HERC3: variants seen among roughly 807,000 people sequenced by gnomAD.
HERC3 encodes the protein probable E3 ubiquitin-protein ligase HERC3.
HERC3 carries 58 observed loss-of-function variants against 129.9 expected under a neutral mutation model. The observed-to-expected ratio is 0.45, with a 90% CI of 0.36 to 0.56. The LOEUF is 0.56. HERC3 is among the 20% of genes least tolerant of loss of function. HERC3 has a pLI of 0.00. For synonymous variants in HERC3, 430 were observed against 451.0 expected (o/e 0.95, Z 0.59); for missense variants, 835 against 1,244.2 (o/e 0.67, Z 4.95).
In HERC3 at chr4:88,706,928, C is replaced by T; in HGVS notation, c.3121C>T (p.Leu1041Phe). The T allele has an allele frequency of 6.2e-7, 1 of 1,614,202 alleles. No individual in the cohort carries two copies. Among genetic ancestry groups the T allele is most frequent in the Non-Finnish European group, 8.5e-7 (1 of 1,180,026 alleles). ...TCTGAGTGCCCGGCTGACCCAGGCC[C>T]TTGACAACTATGAAGGGTTTAGTTT... is the stretch of plus-strand genomic sequence containing the variant. ...EILSARLTQALDNYEGFSLA is the reference protein window; with the variant it reads ...EILSARLTQAFDNYEGFSLA The change falls in exon 26 of 26, where the codon CTT (leucine) becomes TTT (phenylalanine). Residue 1041 changes from leucine to phenylalanine, a missense_variant. By Grantham distance (22) the Leu-to-Phe change is conservative (BLOSUM62 0). Transcript: ENST00000402738.
At chr4:88,644,816 A>C (rs1052450390) in intron 3 of HERC3, among the ~76,000 whole-genome samples, 1 of 152,218 alleles carries the variant, frequency 6.6e-6, no homozygotes, top group South Asian at 2.1e-4. Context: ...TTGGCTCAGA[A>C]ACAAGATAGA....
chr4:88,585,599 A>G, the HERC3 span, among the ~76,000 whole-genome samples: 1 of 151,700 alleles, frequency 6.6e-6, no homozygotes, highest in East Asian at 1.9e-4. Context: ...TAAAGATGAA[A>G]ATGATGAACA....
At chr4:88,577,030 A>C in the HERC3 span, among the ~76,000 whole-genome samples, 1 of 152,048 alleles carries the variant, frequency 6.6e-6, no homozygotes, top group Non-Finnish European at 1.5e-5. Flanking sequence ...CTCTCCTCTA[A>C]GGAGGAGGAG....
chr4:88,545,483 A>G, the HERC3 span, among the ~76,000 whole-genome samples: 1 of 145,914 alleles, frequency 6.9e-6, no homozygotes, highest in African/African-American at 2.6e-5. Context: ...CCCACGCCAA[A>G]GTGCAGTGGC....
chr4:88,591,978 AGCGCC>A (rs1370062648), upstream of HERC3, among the ~76,000 whole-genome samples: 4 of 151,828 alleles, frequency 2.6e-5, no homozygotes, highest in Non-Finnish European at 5.9e-5. Context: ...CCCACCGCGC[AGCGCC>A]GCGGGCCGGC....
chr4:88,589,363 AG>A (rs1250980447), upstream of HERC3, among the ~76,000 whole-genome samples: 1 of 152,204 alleles, frequency 6.6e-6, no homozygotes, highest in Non-Finnish European at 1.5e-5. Flanking sequence ...CTGGGATTAC[AG>A]GGGCATGAGC....
chr4:88,701,892 T>C (rs1735353774), intron 23 of HERC3, among the ~76,000 whole-genome samples: 1 of 151,282 alleles, frequency 6.6e-6, no homozygotes, highest in African/African-American at 2.4e-5. Flanking sequence ...AGCCTTGACC[T>C]CCTGGGCTCA....
upstream of HERC3, among the ~76,000 whole-genome samples, chr4:88,590,890 T>TC (rs1455281408): frequency 2.8e-5 from 4 of 145,130 alleles, no homozygotes; most frequent in Admixed American, 6.7e-5. Flanking sequence ...TTTCTTTCTT[T>TC]TTTTTTTTTT....
chr4:88,606,351 A>G (rs541882590), intron 3 of HERC3, among the ~76,000 whole-genome samples: 1 of 151,164 alleles, frequency 6.6e-6, no homozygotes. Flanking sequence ...TCCCAGGTTC[A>G]GGCAATTTTC....
At chr4:88,698,525 T>A (rs985539455) in intron 23 of HERC3, among the ~76,000 whole-genome samples, 1 of 148,186 alleles carries the variant, frequency 6.7e-6, no homozygotes, top group Admixed American at 6.8e-5. Flanking sequence ...TCCTACAGAA[T>A]CTTTGGCCTG....
intron 3 of HERC3, among the ~76,000 whole-genome samples, chr4:88,623,207 G>A (rs1396239474): frequency 6.6e-6 from 1 of 152,174 alleles, no homozygotes; most frequent in Non-Finnish European, 1.5e-5. Flanking sequence ...GGCTAGGATG[G>A]ACTCACATCA....
intron 23 of HERC3, chr4:88,697,870 GA>G: frequency 7.1e-7 from 1 of 1,414,024 alleles, no homozygotes; most frequent in South Asian, 1.4e-5. Flanking sequence ...CCGCGGGAAT[GA>G]CGTTGGCCGC....
intron 16 of HERC3, among the ~76,000 whole-genome samples, chr4:88,675,101 T>C (rs1732020625): frequency 6.6e-6 from 1 of 152,256 alleles, no homozygotes; most frequent in African/African-American, 2.4e-5. Flanking sequence ...CATGTCTTAC[T>C]GAACCCAAAC....
At chr4:88,528,437 T>C in the HERC3 span, among the ~76,000 whole-genome samples, 5 of 152,130 alleles carry the variant, frequency 3.3e-5, no homozygotes, top group African/African-American at 1.2e-4. Context: ...TTTTTAGACA[T>C]GAAAGGCCAA....
chr4:88,633,896 C>T (rs1727047051), intron 3 of HERC3, among the ~76,000 whole-genome samples: 2 of 152,116 alleles, frequency 1.3e-5, no homozygotes, highest in Admixed American at 1.3e-4. Context: ...AAGAAAGTGA[C>T]CAGGAATACA....
chr4:88,595,737 A>T (rs1040280159), intron 2 of HERC3, 123 bp downstream of exon 2: 3 of 152,160 alleles, frequency 2.0e-5, no homozygotes, highest in African/African-American at 7.2e-5. Flanking sequence ...GAGGGACCTA[A>T]ACAAATCTCA....
chr4:88,593,896 G>A (rs1722037900), intron 1 of HERC3, among the ~76,000 whole-genome samples: 1 of 152,138 alleles, frequency 6.6e-6, no homozygotes, highest in South Asian at 2.1e-4. Context: ...GGGGGAGGAG[G>A]GAGTAGCATT....
the HERC3 span, among the ~76,000 whole-genome samples, chr4:88,545,159 C>T: frequency 6.6e-6 from 1 of 152,190 alleles, no homozygotes; most frequent in African/African-American, 2.4e-5. Flanking sequence ...ACCACTCTTC[C>T]AGTCCTACTG....
chr4:88,552,453 A>G, the HERC3 span, among the ~76,000 whole-genome samples: 36 of 152,184 alleles, frequency 2.4e-4, no homozygotes, highest in Non-Finnish European at 3.8e-4. Context: ...GGGTTTCACT[A>G]GGTTACCCAG....
Sources: gnomAD v4.1 joint callset for allele counts (sites outside exome capture counted in the v4.1 genomes callset) on GRCh38, gnomAD v4.1.1 for gene constraint, MANE v1.5 for transcripts, NCBI Gene and HGNC (gene_info 2026-07-23, HGNC 2026-07-21) for gene names.